The following RANBP17 variants were observed in gnomAD, a reference collection of about 807,000 sequenced individuals.
The protein encoded by RANBP17 is RAN binding protein 17.
Under a neutral mutation model 141.2 loss-of-function variants are expected in RANBP17, and 158 were observed. The observed-to-expected ratio is 1.12, with a 90% CI of 0.98 to 1.28. RANBP17 has a LOEUF of 1.28. Among genes scored for constraint, RANBP17 ranks in the 50% most tolerant of loss-of-function variants. RANBP17 has a pLI of 0.00. For synonymous variants in RANBP17, 430 were observed against 450.0 expected (o/e 0.96, Z 0.56); for missense variants, 1,438 against 1,290.7 (o/e 1.11, Z -1.75).
intron 14 of RANBP17, among the ~76,000 whole-genome samples, chr5:171,071,834 G>C (rs1784652732): frequency 6.6e-6 from 1 of 151,866 alleles, no homozygotes; most frequent in Non-Finnish European, 1.5e-5. Context: ...ACTTAAAATT[G>C]ACACCAAAAA....
chr5:171,023,396 T>C (rs1486937069), intron 14 of RANBP17, among the ~76,000 whole-genome samples: 1 of 152,240 alleles, frequency 6.6e-6, no homozygotes, highest in Non-Finnish European at 1.5e-5. Context: ...TAATTGCCTA[T>C]TAAGAAATTG....
At position 170,902,966 on chromosome 5, in the gene RANBP17, C is replaced by T. The variant is rs539010515; in HGVS notation, c.490-6695C>T. ...TGTATGAGGTGTCTGTTGACGCCTGCTGGGAGATGTCTCCCGGTCAGGAGG... is the reference window on the plus strand; with the variant it reads ...TGTATGAGGTGTCTGTTGACGCCTGTTGGGAGATGTCTCCCGGTCAGGAGG... On this transcript the variant is annotated intron_variant, in intron 5 of 27. Transcript: ENST00000523189. 9.5e-4 allele frequency among the ~76,000 whole-genome samples: 144 copies of T among 152,292 alleles called. 1 individual carries two copies. The highest frequency in any genetic ancestry group is 1.6e-3 in the Non-Finnish European group (109 of 68,018).
intron 14 of RANBP17, among the ~76,000 whole-genome samples, chr5:171,115,820 A>G (rs1040689518): frequency 2.0e-5 from 3 of 152,212 alleles, no homozygotes; most frequent in African/African-American, 7.2e-5. Flanking sequence ...CTTGCTAGCA[A>G]AATTTTTACT....
chr5:171,298,650 C>T, intron 27 of RANBP17, 112 bp from the exon 28 acceptor site: 1 of 687,616 alleles, frequency 1.5e-6, no homozygotes, highest in African/African-American at 1.8e-5. Flanking sequence ...TAGAGCCGTC[C>T]TCCAGGAGGG....
At chr5:170,973,411 A>G (rs1293700052) in intron 14 of RANBP17, among the ~76,000 whole-genome samples, 5 of 152,184 alleles carry the variant, frequency 3.3e-5, no homozygotes, top group African/African-American at 7.2e-5. Context: ...TTTTTAAGAC[A>G]TAAAAAAGCT....
intron 24 of RANBP17, among the ~76,000 whole-genome samples, chr5:171,251,026 C>A (rs1169289046): frequency 1.3e-5 from 2 of 152,196 alleles, no homozygotes; most frequent in Admixed American, 6.5e-5. Context: ...AATATACATT[C>A]TTTTCATCGG....
chr5:171,010,486 A>G lies in RANBP17; in HGVS notation c.1710+42109A>G, dbSNP rs144700349. Reference sequence around the variant, plus strand: ...ATTTTCTGGAGGAAGCTAATACAATACAGAGTTCCAAGATTATATGAAGTG... The same window carrying G: ...ATTTTCTGGAGGAAGCTAATACAATGCAGAGTTCCAAGATTATATGAAGTG... On this transcript the variant is annotated intron_variant, in intron 14 of 27. Coordinates refer to ENST00000523189, the MANE Select transcript of RANBP17 (RefSeq NM_022897.5). Among the ~76,000 whole-genome samples, 3 of 152,306 alleles carry G rather than the reference A, an allele frequency of 2.0e-5. No individual in the cohort carries two copies. In the East Asian group the frequency reaches 5.8e-4, roughly 29 times the overall value.
At chr5:170,926,121 G>A (rs1403170093) in intron 12 of RANBP17, among the ~76,000 whole-genome samples, 1 of 152,108 alleles carries the variant, frequency 6.6e-6, no homozygotes, top group African/African-American at 2.4e-5. Flanking sequence ...TCTCTATCAG[G>A]AAGTGGCAAA....
chr5:170,915,982 A>G (rs1771916873), intron 8 of RANBP17, among the ~76,000 whole-genome samples: 1 of 152,052 alleles, frequency 6.6e-6, no homozygotes, highest in Non-Finnish European at 1.5e-5. Context: ...AATTTTTATG[A>G]TGGGGTAGAA....
At chr5:171,048,734 T>G (rs1782757282) in intron 14 of RANBP17, among the ~76,000 whole-genome samples, 1 of 152,208 alleles carries the variant, frequency 6.6e-6, no homozygotes, top group Admixed American at 6.5e-5. Context: ...ATGTGGCATT[T>G]GATTTTCTGT....
intron 25 of RANBP17, among the ~76,000 whole-genome samples, chr5:171,278,221 CA>C (rs1448487506): frequency 6.6e-6 from 1 of 151,468 alleles, no homozygotes; most frequent in Admixed American, 6.6e-5. Context: ...TCTGTCTCTA[CA>C]AAAAAAATTA....
chr5:171,071,275 G>T (rs181449167), intron 14 of RANBP17, among the ~76,000 whole-genome samples: 2 of 152,112 alleles, frequency 1.3e-5, no homozygotes, highest in Admixed American at 1.3e-4. Flanking sequence ...TAAGATGTCA[G>T]TTTGCCCCAG....
chr5:171,132,294 G>A (rs547002709), intron 14 of RANBP17, among the ~76,000 whole-genome samples: 16 of 151,832 alleles, frequency 1.1e-4, no homozygotes, highest in African/African-American at 3.9e-4. Context: ...GAGAAAAGAA[G>A]GAAGGAGGTA....
At chr5:171,044,194 A>G (rs1161647128) in intron 14 of RANBP17, among the ~76,000 whole-genome samples, 1 of 152,094 alleles carries the variant, frequency 6.6e-6, no homozygotes, top group Non-Finnish European at 1.5e-5. Flanking sequence ...AATATATATT[A>G]CATTTTAATT....
intron 25 of RANBP17, 116 bp downstream of exon 25, chr5:171,265,963 T>TA: frequency 1.8e-6 from 1 of 560,044 alleles, no homozygotes. Context: ...TGGTAAAAAA[T>TA]ATATATATAT....
At position 171,135,818 on chromosome 5, in the gene RANBP17, A is replaced by G. The variant is rs145412331; in HGVS notation, c.1711-34312A>G. On this transcript the variant is annotated intron_variant, in intron 14 of 27. Transcript: ENST00000523189. ...TGGGAAAGAAGTCCTAGCTGAGGCAATTGCTTCTGGGCTCTCTTTCTGTGT... is the reference window on the plus strand; with the variant it reads ...TGGGAAAGAAGTCCTAGCTGAGGCAGTTGCTTCTGGGCTCTCTTTCTGTGT... Among the ~76,000 whole-genome samples the G allele has an allele frequency of 3.9e-5, 6 of 152,302 alleles. No homozygotes were observed. In the East Asian group the frequency reaches 1.2e-3, roughly 29 times the overall value.
chr5:171,286,305 A>G (rs1017772644), intron 25 of RANBP17, among the ~76,000 whole-genome samples: 1 of 152,176 alleles, frequency 6.6e-6, no homozygotes, highest in Admixed American at 6.5e-5. Context: ...TTGTGCAAAG[A>G]ACAAGTTGGC....
At chr5:170,900,380 G>A (rs1391776357) in intron 5 of RANBP17, among the ~76,000 whole-genome samples, 1 of 152,024 alleles carries the variant, frequency 6.6e-6, no homozygotes, top group Non-Finnish European at 1.5e-5. Flanking sequence ...GTTTTTTATT[G>A]TGTCTATTTG....
intron 20 of RANBP17, among the ~76,000 whole-genome samples, chr5:171,210,043 G>A (rs929987725): frequency 1.3e-5 from 2 of 152,228 alleles, no homozygotes; most frequent in African/African-American, 4.8e-5. Context: ...CTGTAAGGCA[G>A]TGTCACATCA....
Sources: allele counts gnomAD v4.1 joint callset (sites outside exome capture counted in the v4.1 genomes callset), GRCh38; gene constraint gnomAD v4.1.1; transcripts MANE v1.5; gene names NCBI Gene and HGNC (gene_info 2026-07-23, HGNC 2026-07-21).